The following C12orf42 variants were observed in gnomAD, a reference collection of about 807,000 sequenced individuals.
C12orf42 encodes chromosome 12 open reading frame 42.
C12orf42 carries 25 observed loss-of-function variants against 21.6 expected under a neutral mutation model. The ratio of observed to expected loss-of-function variants is 1.16; its 90% CI spans 0.84 to 1.62. The LOEUF (loss-of-function observed/expected upper bound fraction) is 1.62. C12orf42 is among the 40% of genes most tolerant of loss of function. C12orf42 has a pLI of 0.00. For synonymous variants in C12orf42, 174 were observed against 175.0 expected, an observed-to-expected ratio of 0.99 and a Z score of 0.05; for missense variants, 483 against 459.3, an observed-to-expected ratio of 1.05 and a Z score of -0.47.
chr12:103,319,405 A>T (rs1413389184), intron 4 of C12orf42, among the ~76,000 whole-genome samples: 2 of 151,890 alleles, frequency 1.3e-5, no homozygotes, highest in Non-Finnish European at 2.9e-5. Flanking sequence ...GCTACCCCCA[A>T]CCCTAGTCTT....
chr12:103,374,144 G>C (rs986787794), intron 3 of C12orf42, among the ~76,000 whole-genome samples: 1 of 152,164 alleles, frequency 6.6e-6, no homozygotes, highest in African/African-American at 2.4e-5. Flanking sequence ...CTAATTCAAA[G>C]GGAATGCTGC....
At chr12:103,436,529 T>C (rs961381189) in intron 2 of C12orf42, among the ~76,000 whole-genome samples, 2 of 150,594 alleles carry the variant, frequency 1.3e-5, no homozygotes, top group Non-Finnish European at 3.0e-5. Flanking sequence ...GAGACACACA[T>C]AGGCTCAAAA....
chr12:103,143,415 T>A, the C12orf42 span, among the ~76,000 whole-genome samples: 4 of 152,190 alleles, frequency 2.6e-5, no homozygotes, highest in African/African-American at 9.7e-5. Flanking sequence ...ATTCCTAGTC[T>A]TTGTCACTCT....
At chr12:103,412,812 ATTTGT>A (rs894184703) in intron 2 of C12orf42, among the ~76,000 whole-genome samples, 7 of 152,080 alleles carry the variant, frequency 4.6e-5, no homozygotes, top group African/African-American at 1.7e-4. Context: ...TAATGATGTT[ATTTGT>A]TTTTTCTTGT....
the C12orf42 span, among the ~76,000 whole-genome samples, chr12:103,548,107 T>A: frequency 7.1e-3 from 1,084 of 152,348 alleles, 3 homozygotes; most frequent in Middle Eastern, 0.027. Context: ...GCCTGGGGCC[T>A]GCGTCAGGGG....
chr12:103,550,204 G>A, the C12orf42 span, among the ~76,000 whole-genome samples: 1 of 151,934 alleles, frequency 6.6e-6, no homozygotes. Context: ...TCTTTCAGTT[G>A]TGCCTACATC....
intron 4 of C12orf42, among the ~76,000 whole-genome samples, chr12:103,292,085 C>T (rs2036864149): frequency 6.6e-6 from 1 of 152,012 alleles, no homozygotes; most frequent in Non-Finnish European, 1.5e-5. Context: ...ATTATTTGGC[C>T]ATTAAAAAGA....
chr12:103,426,703 A>C (rs1949839468), intron 2 of C12orf42, among the ~76,000 whole-genome samples: 1 of 152,232 alleles, frequency 6.6e-6, no homozygotes, highest in South Asian at 2.1e-4. Flanking sequence ...TGTTAAGGGA[A>C]GCCAGAAAAG....
intron 1 of C12orf42, among the ~76,000 whole-genome samples, chr12:103,483,737 T>G (rs952898121): frequency 1.3e-4 from 20 of 152,142 alleles, no homozygotes; most frequent in Non-Finnish European, 4.4e-5. Context: ...TAGGTATACA[T>G]GTGCCATGTT....
At chr12:103,191,131 G>A in the C12orf42 span, among the ~76,000 whole-genome samples, 2 of 151,872 alleles carry the variant, frequency 1.3e-5, no homozygotes. Context: ...TGGAGGGAGA[G>A]GAACCTGCCA....
chr12:103,226,731 A>C, the C12orf42 span, among the ~76,000 whole-genome samples: 1 of 152,092 alleles, frequency 6.6e-6, no homozygotes, highest in Non-Finnish European at 1.5e-5. Context: ...CTGGTGAGGA[A>C]CAGCCTGGGG....
At chr12:103,106,759 G>T in the C12orf42 span, among the ~76,000 whole-genome samples, 2 of 151,614 alleles carry the variant, frequency 1.3e-5, no homozygotes, top group African/African-American at 4.8e-5. Context: ...AAAACTAGAA[G>T]TCAAACAACA....
intron 2 of C12orf42, among the ~76,000 whole-genome samples, chr12:103,423,087 C>A (rs1398190732): frequency 1.3e-5 from 2 of 152,174 alleles, no homozygotes; most frequent in Non-Finnish European, 2.9e-5. Flanking sequence ...CCCATTATTA[C>A]ACAAATACCT....
chr12:103,222,292 T>TG, the C12orf42 span, among the ~76,000 whole-genome samples: 2 of 149,614 alleles, frequency 1.3e-5, no homozygotes, highest in South Asian at 4.3e-4. Context: ...AAAGGGGGTT[T>TG]GTTCTCTGGC....
At chr12:103,269,451 AAC>A (rs1241168226) in intron 6 of C12orf42, among the ~76,000 whole-genome samples, 1 of 152,158 alleles carries the variant, frequency 6.6e-6, no homozygotes, top group Non-Finnish European at 1.5e-5. Flanking sequence ...AAAGAATAAC[AAC>A]AGTCATGATC....
At chr12:103,450,242 T>G (rs1350635644) in intron 2 of C12orf42, among the ~76,000 whole-genome samples, 1 of 152,104 alleles carries the variant, frequency 6.6e-6, no homozygotes, top group Non-Finnish European at 1.5e-5. Context: ...TAGATTTGTG[T>G]TTAGGATTTT....
intron 4 of C12orf42, among the ~76,000 whole-genome samples, chr12:103,324,770 A>G (rs1446002619): frequency 6.6e-6 from 1 of 152,212 alleles, no homozygotes; most frequent in East Asian, 1.9e-4. Context: ...TGATTATGGC[A>G]AGACTAATAC....
the C12orf42 span, among the ~76,000 whole-genome samples, chr12:103,537,607 G>A: frequency 2.0e-5 from 3 of 152,298 alleles, no homozygotes; most frequent in South Asian, 4.2e-4. Flanking sequence ...GGACTGAAAG[G>A]GGAGCGCTAC....
the C12orf42 span, among the ~76,000 whole-genome samples, chr12:103,115,438 G>C: frequency 6.6e-6 from 1 of 152,184 alleles, no homozygotes; most frequent in African/African-American, 2.4e-5. Flanking sequence ...AAAGTCAAAA[G>C]AGCATCTTAG....
Sources: gnomAD v4.1 joint callset for allele counts (sites outside exome capture counted in the v4.1 genomes callset) on GRCh38, gnomAD v4.1.1 for gene constraint, MANE v1.5 for transcripts, NCBI Gene and HGNC (gene_info 2026-07-23, HGNC 2026-07-21) for gene names.